Variants in VEPH1 observed in about 807,000 individuals in gnomAD.
The protein encoded by VEPH1 is ventricular zone expressed PH domain containing 1, also known as ventricular zone-expressed PH domain-containing protein homolog 1.
In VEPH1, 80 loss-of-function variants were observed where a neutral mutation model predicts 85.2. That is an observed-to-expected ratio of 0.94 (90% CI 0.78 to 1.13). The LOEUF is 1.13. VEPH1 is among the 50% of genes most tolerant of loss of function. VEPH1 has a pLI of 0.00. For missense variants in VEPH1, 955 were observed against 980.5 expected (o/e 0.97, Z 0.35); for synonymous variants, 297 against 348.0 (o/e 0.85, Z 1.63).
chr3:157,416,430 A>G (rs905795860), intron 5 of VEPH1, among the ~76,000 whole-genome samples: 1 of 152,212 alleles, frequency 6.6e-6, no homozygotes, highest in African/African-American at 2.4e-5. Context: ...CTGCCTGTGC[A>G]TTAGGGAGCA....
chr3:157,449,388 T>C (rs1164392838), intron 4 of VEPH1, among the ~76,000 whole-genome samples: 1 of 152,226 alleles, frequency 6.6e-6, no homozygotes, highest in Non-Finnish European at 1.5e-5. Flanking sequence ...TTATGCATGC[T>C]GTGATGTGGA....
chr3:157,321,823 T>C (rs1271222021), intron 9 of VEPH1, among the ~76,000 whole-genome samples: 1 of 152,126 alleles, frequency 6.6e-6, no homozygotes, highest in Non-Finnish European at 1.5e-5. Flanking sequence ...ACTTAAATGA[T>C]TTTTACATTT....
chr3:157,501,997 C>T (rs940261098), intron 1 of VEPH1, among the ~76,000 whole-genome samples: 7 of 152,162 alleles, frequency 4.6e-5, no homozygotes, highest in African/African-American at 1.2e-4. Flanking sequence ...TTTCACACAG[C>T]GTGAAAGGAC....
intron 7 of VEPH1, among the ~76,000 whole-genome samples, chr3:157,372,013 G>A (rs1223664823): frequency 6.6e-6 from 1 of 152,120 alleles, no homozygotes; most frequent in Non-Finnish European, 1.5e-5. Context: ...ACGTAGAGTA[G>A]GAATATCATC....
At chr3:157,372,128 G>T (rs1727560039) in intron 7 of VEPH1, among the ~76,000 whole-genome samples, 1 of 152,226 alleles carries the variant, frequency 6.6e-6, no homozygotes, top group African/African-American at 2.4e-5. Context: ...GTCTGGCCAT[G>T]AGGATTAAAG....
intron 1 of VEPH1, among the ~76,000 whole-genome samples, chr3:157,499,925 ACT>A (rs1169802757): frequency 1.3e-5 from 2 of 152,320 alleles, no homozygotes; most frequent in African/African-American, 4.8e-5. Context: ...TTTTGGAAAC[ACT>A]GAGTGTTCGT....
At chr3:157,343,286 C>T (rs1445596448) in intron 9 of VEPH1, among the ~76,000 whole-genome samples, 2 of 151,804 alleles carry the variant, frequency 1.3e-5, no homozygotes, top group African/African-American at 4.8e-5. Flanking sequence ...ACTAGCAAGA[C>T]TAATAAAGAA....
At chr3:157,401,794 T>C (rs924592883) in intron 6 of VEPH1, among the ~76,000 whole-genome samples, 1 of 151,998 alleles carries the variant, frequency 6.6e-6, no homozygotes, top group Non-Finnish European at 1.5e-5. Flanking sequence ...AACTGCTTTC[T>C]AGAAGTAAGC....
chr3:157,361,319 T>G (rs1363267701), intron 9 of VEPH1, among the ~76,000 whole-genome samples: 2 of 152,170 alleles, frequency 1.3e-5, no homozygotes, highest in Non-Finnish European at 2.9e-5. Context: ...ATAACAGACA[T>G]GCTAAATAAT....
intron 9 of VEPH1, among the ~76,000 whole-genome samples, chr3:157,356,217 AAAAC>A (rs201579177): frequency 6.6e-6 from 1 of 151,912 alleles, no homozygotes; most frequent in African/African-American, 2.4e-5. Context: ...TTTTATAAGA[AAAAC>A]AAACAAACAA....
intron 11 of VEPH1, 104 bp downstream of exon 11, chr3:157,313,517 G>A: frequency 1.5e-6 from 2 of 1,321,202 alleles, no homozygotes; most frequent in Non-Finnish European, 2.1e-6. Context: ...TAAAAGAAAG[G>A]TAAACGAAAG....
intron 9 of VEPH1, among the ~76,000 whole-genome samples, chr3:157,356,230 A>C (rs1559987841): frequency 6.6e-6 from 1 of 151,490 alleles, no homozygotes; most frequent in Non-Finnish European, 1.5e-5. Context: ...ACAAACAAAC[A>C]ACAACAACAA....
rs575549154 is a variant in VEPH1 at position 157,397,867 on chromosome 3, C to T, written c.906+16014G>A. ...GCAGAGCGCACAACCACATGCATTGCTTGAAGTTCTCCCCACTGGGAAGAT... is the reference window on the plus strand; with the variant it reads ...GCAGAGCGCACAACCACATGCATTGTTTGAAGTTCTCCCCACTGGGAAGAT... On this transcript the variant is annotated intron_variant, in intron 6 of 13. Transcript: ENST00000362010. Among the ~76,000 whole-genome samples, 1,192 of 152,314 alleles carry T rather than the reference C, an allele frequency of 7.8e-3. 11 individuals carry two copies. The highest frequency in any genetic ancestry group is 0.012 in the Non-Finnish European group (831 of 68,020).
chr3:157,490,707 T>G (rs1739146654), intron 2 of VEPH1, among the ~76,000 whole-genome samples: 1 of 152,208 alleles, frequency 6.6e-6, no homozygotes, highest in Non-Finnish European at 1.5e-5. Context: ...AAGCAATTTG[T>G]TGGTATATCA....
chr3:157,489,274 C>G, intron 2 of VEPH1: 1 of 445,980 alleles, frequency 2.2e-6, no homozygotes, highest in South Asian at 1.6e-5. Context: ...AACCTCATCT[C>G]CCTTTCCACA....
At chr3:157,473,815 G>A (rs888065887) in intron 2 of VEPH1, among the ~76,000 whole-genome samples, 7 of 152,006 alleles carry the variant, frequency 4.6e-5, no homozygotes, top group Admixed American at 1.3e-4. Context: ...GCTATTTATT[G>A]AGTTTATTTT....
chr3:157,395,389 G>C (rs529524373), intron 6 of VEPH1, among the ~76,000 whole-genome samples: 1 of 152,232 alleles, frequency 6.6e-6, no homozygotes, highest in South Asian at 2.1e-4. Flanking sequence ...GCTGCTGGCA[G>C]ACAGGGCAGT....
chr3:157,488,168 C>G (rs915306944), intron 2 of VEPH1, among the ~76,000 whole-genome samples: 1 of 151,998 alleles, frequency 6.6e-6, no homozygotes, highest in Non-Finnish European at 1.5e-5. Context: ...TCTTGATTCT[C>G]TCCTCTCTCC....
At position 157,367,218 on chromosome 3, in the gene VEPH1, A is replaced by G. The variant is rs535932150; in HGVS notation, c.1128-2706T>C. Among the ~76,000 whole-genome samples the G allele has an allele frequency of 1.2e-4, 18 of 152,364 alleles. No individual in the cohort carries two copies. The East Asian group carries it at 3.5e-3, about 29-fold the overall frequency. On this transcript the variant is annotated intron_variant, in intron 7 of 13. Coordinates refer to ENST00000362010, the MANE Select transcript of VEPH1 (RefSeq NM_001167912.2). ...TATACATTGGTAGATTGCAAGAATC[A>G]GTATGTGGGAATAGAGGCTAGGCTT... is the stretch of plus-strand genomic sequence containing the variant.
Sources: gnomAD v4.1 joint callset for allele counts (sites outside exome capture counted in the v4.1 genomes callset) on GRCh38, gnomAD v4.1.1 for gene constraint, MANE v1.5 for transcripts, NCBI Gene and HGNC (gene_info 2026-07-23, HGNC 2026-07-21) for gene names.